ZMIZ1: variants seen among roughly 807,000 people sequenced by gnomAD.
ZMIZ1 encodes zinc finger MIZ-type containing 1, also known as zinc finger MIZ domain-containing protein 1.
In ZMIZ1, 17 loss-of-function variants were observed where a neutral mutation model predicts 113.9. That is an observed-to-expected ratio of 0.15 (90% CI 0.10 to 0.22). The LOEUF (loss-of-function observed/expected upper bound fraction) is 0.22, where lower values mean the gene tolerates loss of function less well. Ranked by LOEUF, ZMIZ1 falls within the 10% of genes least tolerant of loss-of-function variation. The pLI, the probability that ZMIZ1 is intolerant of heterozygous loss-of-function variation, is 1.00. For missense variants in ZMIZ1, 1,059 were observed against 1,477.8 expected, an observed-to-expected ratio of 0.72 and a Z score of 4.65; for synonymous variants, 607 against 603.1, an observed-to-expected ratio of 1.01 and a Z score of -0.09.
At chr10:79,162,512 A>C (rs887936786) in intron 4 of ZMIZ1, among the ~76,000 whole-genome samples, 1 of 152,208 alleles carries the variant, frequency 6.6e-6, no homozygotes, top group Admixed American at 6.5e-5. Context: ...ATGTCGGCTG[A>C]AATGGGTGCA....
intron 7 of ZMIZ1, 73 bp from the exon 8 acceptor site, chr10:79,277,108 G>C (rs1852342088): frequency 6.9e-7 from 1 of 1,442,300 alleles, no homozygotes; most frequent in Admixed American, 2.8e-5. Flanking sequence ...AGTCTGGGGA[G>C]AGTTGGGGGG....
intron 8 of ZMIZ1, among the ~76,000 whole-genome samples, chr10:79,283,368 C>G (rs1852861315): frequency 6.6e-6 from 1 of 152,184 alleles, no homozygotes; most frequent in Non-Finnish European, 1.5e-5. Flanking sequence ...GTTTCCTCAT[C>G]TGTAGAAGGG....
In ZMIZ1 at chr10:79,293,894, C is replaced by A. The variant is rs538927843; in HGVS notation, c.1230+241C>A. The A allele has an allele frequency of 6.4e-6, 4 of 622,158 alleles. No individual in the cohort carries two copies. The African/African-American group carries it at 7.3e-5, about 11-fold the overall frequency. 38.5% of individuals were successfully genotyped at this position (622,158 alleles called of 1,614,324 possible). On this transcript the variant is annotated intron_variant, in intron 12 of 24. Coordinates refer to ENST00000334512, the MANE Select transcript of ZMIZ1 (RefSeq NM_020338.4). Reference sequence around the variant, plus strand: ...CTGCTTGAGGGACTTGAGGAGGTGTCCGTGAAGTGCTTGGCCCTGGGCTGG... The same window carrying A: ...CTGCTTGAGGGACTTGAGGAGGTGTACGTGAAGTGCTTGGCCCTGGGCTGG...
At chr10:79,301,030 C>T (rs1170454351) in intron 17 of ZMIZ1, 88 bp downstream of exon 17, 9 of 1,534,190 alleles carry the variant, frequency 5.9e-6, no homozygotes, top group East Asian at 4.7e-5. Context: ...CCACTCTGGT[C>T]CTCAGCCTTG....
At chr10:79,250,114 C>T (rs1295752902) in intron 7 of ZMIZ1, among the ~76,000 whole-genome samples, 1 of 152,234 alleles carries the variant, frequency 6.6e-6, no homozygotes, top group African/African-American at 2.4e-5. Context: ...GCTTTCATCA[C>T]TGTCAGGTGG....
At chr10:79,240,318 A>C (rs1481472971) in intron 7 of ZMIZ1, among the ~76,000 whole-genome samples, 1 of 152,148 alleles carries the variant, frequency 6.6e-6, no homozygotes, top group Non-Finnish European at 1.5e-5. Flanking sequence ...TTTGCTGTAG[A>C]TCCTTATCAA....
chr10:79,202,189 G>GAAAAAAAAAAAAAAAAA (rs58021590), intron 5 of ZMIZ1, among the ~76,000 whole-genome samples: 2 of 52,636 alleles, frequency 3.8e-5, no homozygotes, highest in African/African-American at 1.3e-4. Context: ...CCCTGTCTCA[G>GAAAAAAAAAAAAAAAAA]AAAAAAAAAA....
intron 1 of ZMIZ1, among the ~76,000 whole-genome samples, chr10:79,094,172 C>T (rs1843088477): frequency 1.3e-5 from 2 of 152,212 alleles, no homozygotes; most frequent in Admixed American, 6.5e-5. Context: ...GCCAAGGAAC[C>T]CTTCCTCCGA....
chr10:79,234,330 G>A (rs540683948), intron 7 of ZMIZ1, among the ~76,000 whole-genome samples: 23 of 152,234 alleles, frequency 1.5e-4, no homozygotes, highest in South Asian at 4.2e-4. Context: ...CCTGGGCCTC[G>A]GAAGCTCAGG....
At chr10:79,110,838 G>T (rs1173365798) in intron 1 of ZMIZ1, among the ~76,000 whole-genome samples, 1 of 152,228 alleles carries the variant, frequency 6.6e-6, no homozygotes, top group Non-Finnish European at 1.5e-5. Context: ...AAGCTGCCTG[G>T]AGGAAGGGCT....
intron 6 of ZMIZ1, among the ~76,000 whole-genome samples, chr10:79,210,563 G>A (rs1201489088): frequency 6.6e-6 from 1 of 152,240 alleles, no homozygotes; most frequent in African/African-American, 2.4e-5. Context: ...TGAGAGAGCA[G>A]GGTGCTCCAG....
intron 1 of ZMIZ1, among the ~76,000 whole-genome samples, chr10:79,072,768 T>G (rs1362788358): frequency 6.6e-6 from 1 of 152,244 alleles, no homozygotes; most frequent in Admixed American, 6.5e-5. Flanking sequence ...TGCCTGGTCT[T>G]TATGAGGCTC....
chr10:79,166,000 G>GTGTGTGTGTGTGTGTGTGTGTGTC (rs36040251), intron 4 of ZMIZ1, among the ~76,000 whole-genome samples: 1 of 115,632 alleles, frequency 8.6e-6, no homozygotes. Context: ...GTGTGTGTGT[G>GTGTGTGTGTGTGTGTGTGTGTGTC]TGGGCTCTCC....
chr10:79,070,579 C>A lies in ZMIZ1; in HGVS notation c.-337+1309C>A, dbSNP rs377668202. ...CCCGGGGACAGCCGGTCGGCACTGC[C>A]GCCCAGCCCTACCCCTCTACCTGCA... On this transcript the variant is annotated intron_variant, in intron 1 of 24. Transcript: ENST00000334512. 9.9e-5 allele frequency among the ~76,000 whole-genome samples: 15 copies of A among 152,222 alleles called. No homozygotes were observed. The East Asian group carries it at 2.3e-3, about 24-fold the overall frequency.
At chr10:79,192,491 A>G (rs1847648593) in intron 4 of ZMIZ1, among the ~76,000 whole-genome samples, 1 of 152,106 alleles carries the variant, frequency 6.6e-6, no homozygotes, top group Non-Finnish European at 1.5e-5. Flanking sequence ...AAGTGGGTCC[A>G]CCCTTCCGGA....
chr10:79,207,462 A>G (rs1396474552), intron 5 of ZMIZ1, among the ~76,000 whole-genome samples: 2 of 152,128 alleles, frequency 1.3e-5, no homozygotes, highest in Non-Finnish European at 2.9e-5. Context: ...GCCTGAGGAG[A>G]CGGATAAGAG....
At chr10:79,080,274 G>C (rs1480331255) in intron 1 of ZMIZ1, among the ~76,000 whole-genome samples, 1 of 151,844 alleles carries the variant, frequency 6.6e-6, no homozygotes, top group Non-Finnish European at 1.5e-5. Flanking sequence ...CAGATCCTGG[G>C]AGAAGAGCAG....
In ZMIZ1 at chr10:79,306,091, C is replaced by G. The variant is rs766895778; in HGVS notation, c.2424-9C>G. On this transcript the variant is annotated splice_polypyrimidine_tract_variant and intron_variant, in intron 21 of 24. Coordinates refer to ENST00000334512, the MANE Select transcript of ZMIZ1 (RefSeq NM_020338.4). ...CGGAGCCTCAGCTCTGCCACCCTTC[C>G]TCCCCCAGCTCCGAGTTTGAAGAGG... 2 of 1,608,620 alleles carry G rather than the reference C, an allele frequency of 1.2e-6. No individual in the cohort carries two copies. Among genetic ancestry groups the G allele is most frequent in the Admixed American group, 3.3e-5 (2 of 59,972 alleles).
At chr10:79,146,404 G>A (rs1048612892) in intron 3 of ZMIZ1, among the ~76,000 whole-genome samples, 1 of 152,160 alleles carries the variant, frequency 6.6e-6, no homozygotes, top group African/African-American at 2.4e-5. Flanking sequence ...CTGCTGAGTT[G>A]GACTAGACAC....
Sources: gnomAD v4.1 joint callset for allele counts (sites outside exome capture counted in the v4.1 genomes callset) on GRCh38, gnomAD v4.1.1 for gene constraint, MANE v1.5 for transcripts, NCBI Gene and HGNC (gene_info 2026-07-23, HGNC 2026-07-21) for gene names.